Variants in TAF12 observed in about 807,000 individuals in gnomAD.
TAF12 encodes TATA-box binding protein associated factor 12, also known as transcription initiation factor TFIID subunit 12.
A neutral mutation model predicts 20.8 loss-of-function variants in TAF12; 3 were observed. The ratio of observed to expected loss-of-function variants is 0.14; its 90% CI spans 0.07 to 0.37. TAF12 has a LOEUF of 0.37. Among genes scored for constraint, TAF12 ranks in the 10% least tolerant of loss-of-function variants. TAF12 has a pLI of 1.00. For missense variants in TAF12, 131 were observed against 197.9 expected (o/e 0.66, Z 2.03); for synonymous variants, 69 against 70.2 (o/e 0.98, Z 0.09).
chr1:28,636,307 G>A (rs578108718), intron 1 of TAF12, among the ~76,000 whole-genome samples: 47 of 152,222 alleles, frequency 3.1e-4, no homozygotes, highest in African/African-American at 1.1e-3. Context: ...AGACCAGCCT[G>A]GGCAACACAA....
At chr1:28,620,870 A>G (rs1667199766) in intron 2 of TAF12, among the ~76,000 whole-genome samples, 2 of 152,138 alleles carry the variant, frequency 1.3e-5, no homozygotes, top group African/African-American at 4.8e-5. Flanking sequence ...ATTCTTCTTC[A>G]TTCTATCATT....
At chr1:28,633,340 C>T (rs997535468) in intron 1 of TAF12, among the ~76,000 whole-genome samples, 2 of 147,376 alleles carry the variant, frequency 1.4e-5, no homozygotes, top group Non-Finnish European at 3.0e-5. Context: ...CTAATTTTTG[C>T]ATTTTTTAGT....
intron 1 of TAF12, among the ~76,000 whole-genome samples, chr1:28,630,236 A>G (rs1395167509): frequency 6.6e-6 from 1 of 152,156 alleles, no homozygotes; most frequent in Middle Eastern, 3.2e-3. Flanking sequence ...ACAAGCCTCC[A>G]TGCCCAGCCT....
chr1:28,640,792 G>C (rs549166140), intron 1 of TAF12, among the ~76,000 whole-genome samples: 9 of 152,246 alleles, frequency 5.9e-5, no homozygotes, highest in African/African-American at 2.2e-4. Context: ...TTATTTAAAG[G>C]TTCCAGCCAG....
intron 2 of TAF12, among the ~76,000 whole-genome samples, chr1:28,620,597 G>A (rs1443641418): frequency 2.6e-5 from 4 of 151,956 alleles, no homozygotes. Flanking sequence ...CACCACGCCT[G>A]GCTAATGTTT....
intron 3 of TAF12, among the ~76,000 whole-genome samples, chr1:28,613,745 A>T (rs769260503): frequency 6.6e-6 from 1 of 152,224 alleles, no homozygotes; most frequent in Non-Finnish European, 1.5e-5. Flanking sequence ...AAAATGGGAC[A>T]TGGATTTTAT....
At chr1:28,617,251 T>C (rs1667072185) in intron 3 of TAF12, among the ~76,000 whole-genome samples, 1 of 152,208 alleles carries the variant, frequency 6.6e-6, no homozygotes, top group Non-Finnish European at 1.5e-5. Context: ...CAACAGACTA[T>C]GCCGTTTTTA....
chr1:28,643,817 C>T (rs184038367), upstream of TAF12, among the ~76,000 whole-genome samples: 33 of 152,088 alleles, frequency 2.2e-4, no homozygotes, highest in African/African-American at 7.2e-4. Context: ...TTTGGGAGGC[C>T]GAGGAGGGTG....
chr1:28,633,737 C>T (rs1198607668), intron 1 of TAF12, among the ~76,000 whole-genome samples: 2 of 151,902 alleles, frequency 1.3e-5, no homozygotes, highest in East Asian at 3.9e-4. Context: ...CATGGTGAAA[C>T]CCCGTCTCTA....
At chr1:28,635,002 G>A (rs890762553) in intron 1 of TAF12, among the ~76,000 whole-genome samples, 17 of 151,598 alleles carry the variant, frequency 1.1e-4, no homozygotes, top group East Asian at 7.9e-4. Context: ...CGAGGCAGGC[G>A]GATCACGAGG....
At chr1:28,639,426 C>CAAAAAAAAAAAAAAAAAAAAAA (rs58772752) in intron 1 of TAF12, among the ~76,000 whole-genome samples, 1 of 89,508 alleles carries the variant, frequency 1.1e-5, no homozygotes. Flanking sequence ...CTCCGTCTCA[C>CAAAAAAAAAAAAAAAAAAAAAA]AAAAAAAAAA....
intron 1 of TAF12, among the ~76,000 whole-genome samples, chr1:28,630,543 C>T (rs551650981): frequency 1.4e-4 from 21 of 151,076 alleles, no homozygotes; most frequent in African/African-American, 2.4e-4. Flanking sequence ...CAGAGTGAGA[C>T]GCTGTCTCAA....
At chr1:28,610,179 T>C (rs1666804826) in intron 4 of TAF12, among the ~76,000 whole-genome samples, 1 of 151,958 alleles carries the variant, frequency 6.6e-6, no homozygotes, top group Non-Finnish European at 1.5e-5. Context: ...GGTTTCACCA[T>C]CTTGGCCAGG....
At position 28,633,456 on chromosome 1, in the gene TAF12, CTGTA is replaced by C. The variant is rs1374651479; in HGVS notation, c.-85+9532_-85+9535del. Among the ~76,000 whole-genome samples the C allele has an allele frequency of 3.4e-4, 51 of 150,604 alleles. No individual in the cohort carries two copies. The East Asian group carries it at 0.01, about 30-fold the overall frequency. On this transcript the variant is annotated intron_variant, in intron 1 of 5. Coordinates refer to ENST00000373824, the MANE Select transcript of TAF12 (RefSeq NM_005644.4). ...GTGCTGGGATTACAGGCATGAGACA[CTGTA>C]TCCAACCGAAAATAAATTTTAAAAA...
chr1:28,613,224 C>A, intron 4 of TAF12, 23 bp downstream of exon 4: 1 of 1,583,926 alleles, frequency 6.3e-7, no homozygotes, highest in South Asian at 1.2e-5. Flanking sequence ...ATCCATACTT[C>A]AGGGAGAAAC....
chr1:28,609,142 T>A (rs1165802878), intron 4 of TAF12, among the ~76,000 whole-genome samples: 1 of 151,604 alleles, frequency 6.6e-6, no homozygotes, highest in East Asian at 2.0e-4. Context: ...AATGGTGTGA[T>A]CTCGGCTCAC....
intron 1 of TAF12, among the ~76,000 whole-genome samples, chr1:28,641,793 CAAAAAAAAA>C (rs35540210): frequency 1.2e-5 from 1 of 86,480 alleles, no homozygotes; most frequent in African/African-American, 4.3e-5. Context: ...GAACCTGTCT[CAAAAAAAAA>C]AAAAAAAAAA....
In TAF12 at chr1:28,622,074, T is replaced by C; in HGVS notation, c.8A>G (p.Gln3Arg). MN[Q>R]FGPSALINLS... ...GTTGATTAGGGCTGAGGGGCCAAAC[T>C]GGTTCATAATCTGCCGAGCTTTGGA... The change falls in exon 2 of 6, where the codon CAG becomes CGG. Residue 3 changes from glutamine to arginine, a missense_variant. Transcript: ENST00000373824. The C allele has an allele frequency of 6.2e-7, 1 of 1,611,738 alleles. No individual in the cohort carries two copies. The highest frequency in any genetic ancestry group is 8.5e-7 in the Non-Finnish European group (1 of 1,179,606).
chr1:28,623,398 G>A (rs1423321588), intron 1 of TAF12, among the ~76,000 whole-genome samples: 1 of 152,038 alleles, frequency 6.6e-6, no homozygotes, highest in African/African-American at 2.4e-5. Flanking sequence ...ACACACGCCT[G>A]TAATCCCAGC....
Sources: gnomAD v4.1 joint callset for allele counts (sites outside exome capture counted in the v4.1 genomes callset) on GRCh38, gnomAD v4.1.1 for gene constraint, MANE v1.5 for transcripts, NCBI Gene and HGNC (gene_info 2026-07-23, HGNC 2026-07-21) for gene names.